Variants in KIAA1549L observed in about 807,000 individuals in gnomAD.
KIAA1549L encodes the protein KIAA1549 like, also known as UPF0606 protein KIAA1549L.
Under a neutral mutation model 160.7 loss-of-function variants are expected in KIAA1549L, and 88 were observed. The ratio of observed to expected loss-of-function variants is 0.55; its 90% CI spans 0.46 to 0.65. The LOEUF (loss-of-function observed/expected upper bound fraction) is 0.65, where lower values mean the gene tolerates loss of function less well. KIAA1549L is among the 30% of genes least tolerant of loss of function. The probability of loss-of-function intolerance (pLI) is 0.00; values close to 1 mark genes in which losing one functional copy is unlikely to be tolerated. For synonymous variants in KIAA1549L, 950 were observed against 976.7 expected, an observed-to-expected ratio of 0.97 and a Z score of 0.51; for missense variants, 2,258 against 2,437.5, an observed-to-expected ratio of 0.93 and a Z score of 1.55.
In KIAA1549L at chr11:33,671,061, A is replaced by T. The variant is rs1003095572; in HGVS notation, c.*2907A>T. 6.6e-6 allele frequency: 1 copy of T among 152,242 alleles called. No homozygotes were observed. Among genetic ancestry groups the T allele is most frequent in the Non-Finnish European group, 1.5e-5 (1 of 68,038 alleles). 9.4% of individuals were successfully genotyped at this position (152,242 alleles called of 1,614,324 possible). On this transcript the variant is annotated 3_prime_UTR_variant, in exon 21 of 21. Coordinates refer to ENST00000658780, the MANE Select transcript of KIAA1549L (RefSeq NM_012194.3). ...AAGAAAAAAGATGATTGAGTATATAACGAACTTCAGATACAGTGTATAGAG... is the reference window on the plus strand; with the variant it reads ...AAGAAAAAAGATGATTGAGTATATATCGAACTTCAGATACAGTGTATAGAG...
At chr11:33,546,796 GTC>G (rs1854279859) in intron 3 of KIAA1549L, among the ~76,000 whole-genome samples, 1 of 152,122 alleles carries the variant, frequency 6.6e-6, no homozygotes, top group Admixed American at 6.5e-5. Flanking sequence ...CAACCCCTAT[GTC>G]AACTATGAAT....
chr11:33,541,450 G>A (rs1449778569), intron 1 of KIAA1549L, among the ~76,000 whole-genome samples: 1 of 152,190 alleles, frequency 6.6e-6, no homozygotes. Context: ...TCCTGGATGA[G>A]GTTGTTTTGG....
chr11:33,587,412 G>A (rs1055071468), intron 11 of KIAA1549L, among the ~76,000 whole-genome samples: 3 of 152,188 alleles, frequency 2.0e-5, no homozygotes, highest in Admixed American at 2.0e-4. Context: ...AAGAGTGAGG[G>A]AGTAGTAGTC....
chr11:33,511,685 A>G (rs1312833522), intron 1 of KIAA1549L, among the ~76,000 whole-genome samples: 1 of 152,174 alleles, frequency 6.6e-6, no homozygotes, highest in African/African-American at 2.4e-5. Context: ...CTTAGGGTGA[A>G]CTGTAGAGCT....
intron 1 of KIAA1549L, among the ~76,000 whole-genome samples, chr11:33,380,364 C>A (rs913007442): frequency 6.6e-6 from 1 of 152,128 alleles, no homozygotes; most frequent in African/African-American, 2.4e-5. Context: ...TTAAATAATT[C>A]ACAGTAAGTT....
At chr11:33,604,512 G>A (rs948148633) in intron 13 of KIAA1549L, among the ~76,000 whole-genome samples, 3 of 152,190 alleles carry the variant, frequency 2.0e-5, no homozygotes, top group African/African-American at 7.2e-5. Flanking sequence ...GCACATGTGT[G>A]TTTATAGCAG....
At chr11:33,613,803 C>T (rs946227775) in intron 15 of KIAA1549L, among the ~76,000 whole-genome samples, 9 of 152,134 alleles carry the variant, frequency 5.9e-5, no homozygotes, top group Non-Finnish European at 1.2e-4. Context: ...AGTTTAGGTT[C>T]CAAATGTTGA....
intron 1 of KIAA1549L, among the ~76,000 whole-genome samples, chr11:33,461,130 T>C (rs1044520671): frequency 6.6e-6 from 1 of 152,204 alleles, no homozygotes; most frequent in Non-Finnish European, 1.5e-5. Flanking sequence ...TTCTACTTTA[T>C]GTTTTCCTAA....
rs147136274 is a variant in KIAA1549L, at chr11:33,475,409, T to C, written c.239-66393T>C. ...ATGAACTTTTCAAAAAATATGTTTTTGGCCAGGCATAGTGGCTCACGTCTA... is the reference window on the plus strand; with the variant it reads ...ATGAACTTTTCAAAAAATATGTTTTCGGCCAGGCATAGTGGCTCACGTCTA... On this transcript the variant is annotated intron_variant, in intron 1 of 20. Coordinates refer to ENST00000658780, the MANE Select transcript of KIAA1549L (RefSeq NM_012194.3). Among the ~76,000 whole-genome samples, 8 of 152,260 alleles carry C rather than the reference T, an allele frequency of 5.3e-5. No homozygotes were observed. In the East Asian group the frequency reaches 1.5e-3, roughly 29 times the overall value.
chr11:33,400,741 T>C (rs1330366768), intron 1 of KIAA1549L, among the ~76,000 whole-genome samples: 2 of 152,236 alleles, frequency 1.3e-5, no homozygotes, highest in East Asian at 1.9e-4. Flanking sequence ...CAAATTATAG[T>C]AATAGTAATA....
chr11:33,431,922 A>G (rs1851253854), intron 1 of KIAA1549L, among the ~76,000 whole-genome samples: 1 of 152,176 alleles, frequency 6.6e-6, no homozygotes. Context: ...CGAGAAATCG[A>G]GCTCAGCGCT....
At chr11:33,444,908 TCTCTTCTGCTC>T (rs1313613710) in intron 1 of KIAA1549L, among the ~76,000 whole-genome samples, 1 of 152,306 alleles carries the variant, frequency 6.6e-6, no homozygotes, top group African/African-American at 2.4e-5. Context: ...CTCTCTGTAC[TCTCTTCTGCTC>T]CTCTCCTTGG....
At chr11:33,662,372 TA>T (rs1852295180) in intron 20 of KIAA1549L, among the ~76,000 whole-genome samples, 1 of 152,208 alleles carries the variant, frequency 6.6e-6, no homozygotes, top group African/African-American at 2.4e-5. Context: ...GAATTGTTTG[TA>T]AACTTGGAGT....
chr11:33,599,064 G>A lies in KIAA1549L; in HGVS notation c.4879+117G>A, dbSNP rs919284948. 33 of 1,234,416 alleles carry A rather than the reference G, an allele frequency of 2.7e-5. No homozygotes were observed. The East Asian group carries it at 4.5e-4, about 17-fold the overall frequency. 76.5% of individuals were successfully genotyped at this position (1,234,416 alleles called of 1,614,324 possible). A position where few individuals can be genotyped will look rare whatever the true frequency, so the allele number is the denominator to read the frequency against. On this transcript the variant is annotated intron_variant, in intron 13 of 20. Coordinates refer to ENST00000658780, the MANE Select transcript of KIAA1549L (RefSeq NM_012194.3). The stretch of plus-strand genomic sequence containing the variant: ...AGCCACTGGGCTCTGACCCTCAGTC[G>A]TTCTTTCTATTCTGCCCCACAAGGG...
intron 1 of KIAA1549L, among the ~76,000 whole-genome samples, chr11:33,461,809 T>C (rs941499150): frequency 1.3e-5 from 2 of 152,210 alleles, no homozygotes; most frequent in Non-Finnish European, 2.9e-5. Flanking sequence ...TTTGCAGATG[T>C]AGAAATTGAG....
chr11:33,440,131 T>TC (rs1851467578), intron 1 of KIAA1549L, among the ~76,000 whole-genome samples: 1 of 75,354 alleles, frequency 1.3e-5, no homozygotes, highest in African/African-American at 3.7e-5. Context: ...TTTTTTTTTT[T>TC]TTTTTTTTTT....
At position 33,668,269 on chromosome 11, in the gene KIAA1549L, CCAT is replaced by C. The variant is rs1258560048; in HGVS notation, c.*116_*118del. The C allele has an allele frequency of 8.3e-6, 8 of 962,526 alleles. No homozygotes were observed. In the East Asian group the frequency reaches 1.9e-4, roughly 22 times the overall value. The allele number at this position is 962,526 out of a possible 1,614,324, so 59.6% of individuals were successfully genotyped here. ...GCAATGGGTGAGTCTTTCTCACCCT[CCAT>C]TTCTGAAAAGGTGAACTATGGGGCT... On this transcript the variant is annotated 3_prime_UTR_variant, in exon 21 of 21. Transcript: ENST00000658780.
chr11:33,552,697 CACACACAT>C (rs1430139646), intron 6 of KIAA1549L, among the ~76,000 whole-genome samples: 5,466 of 99,924 alleles, frequency 0.055, 348 homozygotes, highest in African/African-American at 0.14. Flanking sequence ...CACACACACA[CACACACAT>C]GCGTTTTATA....
intron 1 of KIAA1549L, among the ~76,000 whole-genome samples, chr11:33,541,045 A>G (rs1375036011): frequency 2.0e-5 from 3 of 152,218 alleles, no homozygotes; most frequent in Non-Finnish European, 4.4e-5. Flanking sequence ...GTGAACTTCT[A>G]GCTTTCCAAG....
Sources: gnomAD v4.1 joint callset for allele counts (sites outside exome capture counted in the v4.1 genomes callset) on GRCh38, gnomAD v4.1.1 for gene constraint, MANE v1.5 for transcripts, NCBI Gene and HGNC (gene_info 2026-07-23, HGNC 2026-07-21) for gene names.